Variants in USP34 observed in about 807,000 individuals in gnomAD.
USP34 encodes ubiquitin specific peptidase 34.
Under a neutral mutation model 460.3 loss-of-function variants are expected in USP34, and 70 were observed. The ratio of observed to expected loss-of-function variants is 0.15; its 90% CI spans 0.13 to 0.19. The LOEUF (loss-of-function observed/expected upper bound fraction) is 0.19. USP34 is among the 10% of genes least tolerant of loss of function. USP34 has a pLI of 1.00. For missense variants in USP34, 3,985 were observed against 4,236.2 expected, an observed-to-expected ratio of 0.94 and a Z score of 1.65; for synonymous variants, 1,647 against 1,405.3, an observed-to-expected ratio of 1.17 and a Z score of -3.85.
At chr2:61,406,592 C>A (rs1233567156) in intron 2 of USP34, among the ~76,000 whole-genome samples, 2 of 151,630 alleles carry the variant, frequency 1.3e-5, no homozygotes, top group East Asian at 3.9e-4. Context: ...GGGAGGGGTG[C>A]TCTGACGCTA....
At chr2:61,239,266 T>C (rs1688171853) in intron 53 of USP34, among the ~76,000 whole-genome samples, 1 of 147,544 alleles carries the variant, frequency 6.8e-6, no homozygotes, top group South Asian at 2.1e-4. Context: ...AAGCTAGAAA[T>C]GATTAAGCTT....
intron 75 of USP34, chr2:61,200,744 T>A (rs1024571377): frequency 9.2e-5 from 14 of 152,418 alleles, no homozygotes; most frequent in African/African-American, 3.4e-4. Context: ...TTGAAGAAAT[T>A]ATACAAATTA....
At chr2:61,364,412 G>A (rs918252365) in intron 10 of USP34, among the ~76,000 whole-genome samples, 11 of 152,134 alleles carry the variant, frequency 7.2e-5, no homozygotes, top group Admixed American at 1.3e-4. Flanking sequence ...AAAGGACGAA[G>A]GAAATTAAGA....
Position 61,257,277 on chromosome 2 carries a change from G to C in USP34, c.5918C>G (p.Thr1973Ser). ...TYTMDKQPLN[T>S]GEQKDMTEFF... is the part of the protein sequence containing the mutation. ...CTCTGTCATATCTTTCTGTTCCCCA[G>C]TATTCAGAGGCTGCTTATCCATGGT... is the stretch of plus-strand genomic sequence containing the variant. The change falls in exon 45 of 80, where the codon ACT (threonine) becomes AGT (serine). Residue 1973 changes from threonine (T) to serine (S), a missense_variant. Around this residue, in one of 14 missense-constraint regions of USP34, gnomAD observed 145 missense variants for 291.6 expected, o/e 0.50. Transcript: ENST00000398571. 1 of 1,613,110 alleles carries C rather than the reference G, an allele frequency of 6.2e-7. No individual in the cohort carries two copies.
intron 48 of USP34, chr2:61,250,014 A>T (rs906198660): frequency 1.3e-5 from 2 of 158,594 alleles, no homozygotes; most frequent in African/African-American, 4.8e-5. Context: ...TTGGAGGGCT[A>T]AAGTGGGCAG....
intron 68 of USP34, among the ~76,000 whole-genome samples, chr2:61,212,339 T>G (rs1269008370): frequency 1.3e-5 from 2 of 152,254 alleles, no homozygotes; most frequent in African/African-American, 2.4e-5. Context: ...CTTAAAGCAC[T>G]ACTTTTGTAA....
chr2:61,190,598 T>C lies in USP34; in HGVS notation c.9649A>G (p.Ile3217Val), dbSNP rs371015548. ...LCEDPVFAEYIKCILMDERTF... is the reference protein window; with the variant it reads ...LCEDPVFAEYVKCILMDERTF... Reference sequence around the variant, plus strand: ...CTTTCATCCATTAGGATACATTTAATATATTCTGCGAAAACAGGATCTTCA... The same window carrying C: ...CTTTCATCCATTAGGATACATTTAACATATTCTGCGAAAACAGGATCTTCA... Residue 3217 changes from isoleucine (I) to valine (V), a missense_variant, in exon 77 of 80, where the codon ATT becomes GTT. This residue lies in a region of USP34 where 506 missense variants were observed against 439.0 expected (regional missense o/e 1.15). Transcript: ENST00000398571. The C allele has an allele frequency of 6.8e-6, 11 of 1,614,000 alleles. No homozygotes were observed. The highest frequency in any genetic ancestry group is 1.3e-5 in the African/African-American group (1 of 74,934).
chr2:61,303,952 C>G (rs773590581), intron 27 of USP34, among the ~76,000 whole-genome samples: 1 of 152,144 alleles, frequency 6.6e-6, no homozygotes, highest in African/African-American at 2.4e-5. Flanking sequence ...GGCTGGAGTG[C>G]AATGGCATGA....
At chr2:61,257,799 C>A (rs1688759344) in intron 44 of USP34, among the ~76,000 whole-genome samples, 1 of 152,138 alleles carries the variant, frequency 6.6e-6, no homozygotes, top group Non-Finnish European at 1.5e-5. Context: ...CCCAGCTACT[C>A]AGGAGGCAGA....
intron 78 of USP34, chr2:61,189,689 AAAAC>A (rs1361173308): frequency 6.6e-6 from 1 of 152,444 alleles, no homozygotes; most frequent in Non-Finnish European, 1.5e-5. Flanking sequence ...AAGAATTTTA[AAAAC>A]AAACCTTGAA....
At chr2:61,283,070 G>T in intron 37 of USP34, 75 bp downstream of exon 37, 1 of 1,488,044 alleles carries the variant, frequency 6.7e-7, no homozygotes, top group Non-Finnish European at 9.2e-7. Flanking sequence ...GTTTCCATTA[G>T]CTCTTTTATT....
intron 1 of USP34, among the ~76,000 whole-genome samples, chr2:61,454,978 T>C (rs554592145): frequency 3.3e-5 from 5 of 150,954 alleles, no homozygotes; most frequent in Admixed American, 6.7e-5. Context: ...ACCTCCCAAG[T>C]TGAAGCGATT....
At chr2:61,197,409 G>T (rs913554818) in intron 75 of USP34, among the ~76,000 whole-genome samples, 1 of 152,162 alleles carries the variant, frequency 6.6e-6, no homozygotes, top group Non-Finnish European at 1.5e-5. Flanking sequence ...TAGGCTCACA[G>T]AGATTATATA....
chr2:61,360,324 A>G, intron 10 of USP34, among the ~76,000 whole-genome samples: 1 of 152,202 alleles, frequency 6.6e-6, no homozygotes, highest in East Asian at 1.9e-4. Context: ...GAAAACTGTT[A>G]GAACTAATAA....
chr2:61,283,196 A>G lies in USP34; in HGVS notation c.4947T>C (p.Asp1649=), dbSNP rs766966704. ...CCSLVKSSLA[D]SDHLQDWLKK... is the part of the protein sequence containing the mutation. ...TTAGCCAATCTTGTAAATGATCGCTATCAGCAAGGCTAGATTTCACTAAAG... is the reference window on the plus strand; with the variant it reads ...TTAGCCAATCTTGTAAATGATCGCTGTCAGCAAGGCTAGATTTCACTAAAG... The change falls in exon 37 of 80, where the codon GAT becomes GAC. Residue 1649 remains aspartate (D), a synonymous_variant. Transcript: ENST00000398571. 2.0e-5 allele frequency: 32 copies of G among 1,613,616 alleles called. No homozygotes were observed. The African/African-American group carries it at 2.8e-4, about 14-fold the overall frequency.
intron 20 of USP34, among the ~76,000 whole-genome samples, chr2:61,328,300 C>CA (rs200821675): frequency 0.24 from 22,254 of 93,882 alleles, 2,078 homozygotes; most frequent in South Asian, 0.42. Flanking sequence ...AAAACTCCGT[C>CA]AAAAAAAAAA....
chr2:61,411,009 A>G (rs530361283), intron 2 of USP34, among the ~76,000 whole-genome samples: 6 of 152,286 alleles, frequency 3.9e-5, no homozygotes, highest in Admixed American at 6.5e-5. Context: ...ACAAAATATT[A>G]TTCCTGTATC....
rs199636869 is a variant in USP34 at position 61,236,334 on chromosome 2, G to T, written c.6833C>A (p.Thr2278Lys). 1.3e-4 allele frequency: 206 copies of T among 1,603,438 alleles called. No individual in the cohort carries two copies. Among genetic ancestry groups the T allele is most frequent in the Admixed American group, 2.6e-4 (15 of 57,840 alleles). ...AATTTACCAAACTTACCCAAAATAT[G>T]TATGTTCAAAAATGTTTTTGTCTTG... is the stretch of plus-strand genomic sequence containing the variant. ...FLQDKNIFEH[T>K]YFGFMWQLCS... is the part of the protein sequence containing the mutation. The change falls in exon 54 of 80, where the codon ACA (threonine) becomes AAA (lysine). Residue 2278 changes from threonine (T) to lysine (K), a missense_variant. Transcript: ENST00000398571.
chr2:61,404,919 A>G (rs1312389912), intron 3 of USP34, among the ~76,000 whole-genome samples: 1 of 152,164 alleles, frequency 6.6e-6, no homozygotes, highest in Non-Finnish European at 1.5e-5. Flanking sequence ...CAAGCATCTT[A>G]ACTTACAAAA....
Sources: gnomAD v4.1 joint callset for allele counts (sites outside exome capture counted in the v4.1 genomes callset) on GRCh38, gnomAD v4.1.1 for gene constraint, gnomAD v4.1.1 regional missense constraint, MANE v1.5 for transcripts, NCBI Gene and HGNC (gene_info 2026-07-23, HGNC 2026-07-21) for gene names.